The following SBF2 variants were observed in gnomAD, a reference collection of about 807,000 sequenced individuals.
SBF2 encodes the protein SET binding factor 2, also known as myotubularin-related protein 13.
Under a neutral mutation model 225.2 loss-of-function variants are expected in SBF2, and 112 were observed. The ratio of observed to expected loss-of-function variants is 0.50; its 90% CI spans 0.43 to 0.58. The LOEUF is 0.58. Ranked by LOEUF, SBF2 falls within the 20% of genes least tolerant of loss-of-function variation. SBF2 has a pLI of 0.00. For synonymous variants in SBF2, 763 were observed against 773.3 expected (o/e 0.99, Z 0.22); for missense variants, 1,996 against 2,206.2 (o/e 0.90, Z 1.91).
intron 33 of SBF2, among the ~76,000 whole-genome samples, chr11:9,792,931 GTGTGTGTGTTT>G (rs1346274320): frequency 7.2e-6 from 1 of 138,402 alleles, no homozygotes; most frequent in African/African-American, 2.7e-5. Context: ...TTGTGTGTGT[GTGTGTGTGTTT>G]TTTTTTTTTT....
At chr11:9,888,187 T>G (rs1273875489) in intron 17 of SBF2, among the ~76,000 whole-genome samples, 1 of 152,148 alleles carries the variant, frequency 6.6e-6, no homozygotes, top group Admixed American at 6.6e-5. Flanking sequence ...TTTTGAAAAC[T>G]ATGTTCCCTA....
chr11:9,938,728 A>G (rs1865059993), intron 16 of SBF2, among the ~76,000 whole-genome samples: 1 of 152,160 alleles, frequency 6.6e-6, no homozygotes, highest in South Asian at 2.1e-4. Flanking sequence ...TTTCTAATAT[A>G]CTGTATAGTT....
chr11:9,924,142 G>C (rs1395334090), intron 16 of SBF2, among the ~76,000 whole-genome samples: 1 of 152,168 alleles, frequency 6.6e-6, no homozygotes, highest in Admixed American at 6.5e-5. Context: ...GATGGTCCTA[G>C]ACTTATGATG....
chr11:9,866,255 C>T (rs1338469693), intron 17 of SBF2, among the ~76,000 whole-genome samples: 3 of 152,014 alleles, frequency 2.0e-5, no homozygotes, highest in Admixed American at 1.3e-4. Context: ...ACACATAAGA[C>T]CCTGAATAGC....
intron 2 of SBF2, among the ~76,000 whole-genome samples, chr11:10,135,578 A>G (rs113039934): frequency 0.11 from 16,348 of 152,058 alleles, 1,038 homozygotes; most frequent in Non-Finnish European, 0.12. Context: ...CTTCTCCCAC[A>G]CCCTAAATCA....
At chr11:9,830,775 C>CA (rs896636140) in intron 27 of SBF2, among the ~76,000 whole-genome samples, 3 of 145,414 alleles carry the variant, frequency 2.1e-5, no homozygotes, top group African/African-American at 5.1e-5. Flanking sequence ...CAAAACAAAA[C>CA]AAAAAACAAA....
Position 9,998,784 on chromosome 11 carries a change from G to A in SBF2, c.862-405C>T, listed in dbSNP as rs528572008. Among the ~76,000 whole-genome samples the A allele has an allele frequency of 1.7e-4, 26 of 152,170 alleles. 1 individual carries two copies. The highest frequency in any genetic ancestry group is 2.9e-5 in the Non-Finnish European group (2 of 68,026). ...GAGAAACAAGAAGGAAGGAAACTTG[G>A]ATCTTGAGTGACTTCATAGAGCAAA... On this transcript the variant is annotated intron_variant, in intron 8 of 39. Transcript: ENST00000256190.
At chr11:10,128,577 G>C (rs1953873560) in intron 2 of SBF2, among the ~76,000 whole-genome samples, 1 of 152,098 alleles carries the variant, frequency 6.6e-6, no homozygotes, top group Non-Finnish European at 1.5e-5. Context: ...ACATATGCTA[G>C]ATAAAGAAAA....
chr11:10,139,139 AGTGT>A (rs1954526883), intron 2 of SBF2, among the ~76,000 whole-genome samples: 1 of 152,194 alleles, frequency 6.6e-6, no homozygotes, highest in Non-Finnish European at 1.5e-5. Flanking sequence ...TTTGGGAAGG[AGTGT>A]GTATTATTTT....
chr11:9,942,514 T>A (rs1865314354), intron 16 of SBF2, among the ~76,000 whole-genome samples: 1 of 152,228 alleles, frequency 6.6e-6, no homozygotes, highest in Non-Finnish European at 1.5e-5. Context: ...ATAAGGTTAT[T>A]CTAAAATGAT....
chr11:9,970,423 T>G (rs1379361290), intron 13 of SBF2, among the ~76,000 whole-genome samples: 3 of 152,100 alleles, frequency 2.0e-5, no homozygotes, highest in South Asian at 2.1e-4. Context: ...GCCAGGACGG[T>G]CTTGATTTCC....
chr11:10,021,193 T>G (rs1191171654), intron 6 of SBF2, among the ~76,000 whole-genome samples: 1 of 152,206 alleles, frequency 6.6e-6, no homozygotes, highest in Non-Finnish European at 1.5e-5. Context: ...AACTAGTACA[T>G]GTTCTAGTAA....
At chr11:10,249,547 T>C (rs913913152) in intron 1 of SBF2, among the ~76,000 whole-genome samples, 4 of 152,162 alleles carry the variant, frequency 2.6e-5, no homozygotes, top group Admixed American at 6.5e-5. Context: ...TTAAAAATTT[T>C]TGTCTCATTA....
At chr11:10,235,769 T>G (rs12362060) in intron 1 of SBF2, among the ~76,000 whole-genome samples, 2 of 152,054 alleles carry the variant, frequency 1.3e-5, no homozygotes, top group Non-Finnish European at 2.9e-5. Context: ...GAATCATTGC[T>G]GCATCTAGAT....
chr11:10,055,180 G>A (rs903449110), intron 2 of SBF2, among the ~76,000 whole-genome samples: 10 of 152,032 alleles, frequency 6.6e-5, no homozygotes, highest in Admixed American at 3.9e-4. Flanking sequence ...GAGATTACAG[G>A]TGTGAGCCAC....
intron 2 of SBF2, among the ~76,000 whole-genome samples, chr11:10,192,062 T>C (rs989488478): frequency 3.9e-5 from 6 of 152,142 alleles, no homozygotes; most frequent in African/African-American, 1.4e-4. Flanking sequence ...TTCTAACAGG[T>C]CCCTAGCACC....
At chr11:9,781,928 ATCCCAGTCCTTT>A (rs1852033705) in intron 38 of SBF2, among the ~76,000 whole-genome samples, 1 of 152,136 alleles carries the variant, frequency 6.6e-6, no homozygotes, top group Non-Finnish European at 1.5e-5. Context: ...TATGCCTGTA[ATCCCAGTCCTTT>A]TTGGGAGGTG....
Position 10,164,162 on chromosome 11 carries a change from T to C in SBF2, c.141+29740A>G, listed in dbSNP as rs555475561. ...ACTCATATTGTCACCATCTTGGATA[T>C]TCCACAGTCAAAAACTGCATCAGCT... is the stretch of plus-strand genomic sequence containing the variant. On this transcript the variant is annotated intron_variant, in intron 2 of 39. Coordinates refer to ENST00000256190, the MANE Select transcript of SBF2 (RefSeq NM_030962.4). Among the ~76,000 whole-genome samples, 52 of 152,320 alleles carry C rather than the reference T, an allele frequency of 3.4e-4. No individual in the cohort carries two copies. In the Middle Eastern group the frequency reaches 0.01, roughly 30 times the overall value.
At chr11:9,995,484 C>T (rs948799668) in intron 9 of SBF2, among the ~76,000 whole-genome samples, 1 of 152,164 alleles carries the variant, frequency 6.6e-6, no homozygotes, top group African/African-American at 2.4e-5. Context: ...ACAAAATAAT[C>T]CATATTACAC....
Sources: gnomAD v4.1 joint callset for allele counts (sites outside exome capture counted in the v4.1 genomes callset) on GRCh38, gnomAD v4.1.1 for gene constraint, MANE v1.5 for transcripts, NCBI Gene and HGNC (gene_info 2026-07-23, HGNC 2026-07-21) for gene names.